The following CLCN1 variants were observed in gnomAD, a reference collection of about 807,000 sequenced individuals.
The protein encoded by CLCN1 is chloride channel protein 1.
CLCN1 carries 100 observed loss-of-function variants against 114.5 expected under a neutral mutation model. That is an observed-to-expected ratio of 0.87 (90% CI 0.74 to 1.03). The LOEUF (loss-of-function observed/expected upper bound fraction) is 1.03. Ranked by LOEUF, CLCN1 falls within the 50% of genes least tolerant of loss-of-function variation. The pLI, the probability that CLCN1 is intolerant of heterozygous loss-of-function variation, is 0.00. For missense variants in CLCN1, 1,188 were observed against 1,250.0 expected (o/e 0.95, Z 0.75); for synonymous variants, 485 against 487.1 (o/e 1.00, Z 0.06).
At position 143,352,068 on chromosome 7, in the gene CLCN1, G is replaced by A; in HGVS notation, c.*103G>A. On this transcript the variant is annotated 3_prime_UTR_variant, in exon 23 of 23. Coordinates refer to ENST00000343257, the MANE Select transcript of CLCN1 (RefSeq NM_000083.3). Reference sequence around the variant, plus strand: ...CTGAATGTGGCGAGGTCATGCCAATGTCGTGGCCTCTTCCAGGAATTTTTT... The same window carrying A: ...CTGAATGTGGCGAGGTCATGCCAATATCGTGGCCTCTTCCAGGAATTTTTT... 6.9e-7 allele frequency: 1 copy of A among 1,452,412 alleles called. No homozygotes were observed. The allele number at this position is 1,452,412 out of a possible 1,614,324, so 90.0% of individuals were successfully genotyped here. A position where few individuals can be genotyped will look rare whatever the true frequency, so the allele number is the denominator to read the frequency against.
intron 8 of CLCN1, 27 bp from the exon 9 acceptor site, chr7:143,331,205 C>G (rs367699805): frequency 6.6e-7 from 1 of 1,526,060 alleles, no homozygotes; most frequent in Non-Finnish European, 9.1e-7. Flanking sequence ...AAGCTCCCAT[C>G]GTAATACTGG....
At chr7:143,325,678 T>C (rs904585570) in intron 7 of CLCN1, among the ~76,000 whole-genome samples, 4 of 152,236 alleles carry the variant, frequency 2.6e-5, no homozygotes, top group African/African-American at 9.6e-5. Flanking sequence ...ATTTTTAGAC[T>C]GGGAGACTTC....
chr7:143,342,012 A>T lies in CLCN1; in HGVS notation c.1666A>T (p.Ile556Phe). The T allele has an allele frequency of 1.2e-6, 2 of 1,614,218 alleles. No individual in the cohort carries two copies. The highest frequency in any genetic ancestry group is 2.2e-5 in the South Asian group (2 of 91,080). ...CGAATTAACGGGTCAGATTGCTCAC[A>T]TCCTGCCCATGATGGTGGCTGTTAT... is the stretch of plus-strand genomic sequence containing the variant. ...CFELTGQIAH[I>F]LPMMVAVILA... The change falls in exon 15 of 23, where the codon ATC (isoleucine) becomes TTC (phenylalanine). Residue 556 changes from isoleucine to phenylalanine, a missense_variant. By Grantham distance (21) the Ile-to-Phe change is conservative (BLOSUM62 0). Transcript: ENST00000343257.
At chr7:143,346,551 A>G in intron 18 of CLCN1, 28 bp from the exon 19 acceptor site, 1 of 1,571,774 alleles carries the variant, frequency 6.4e-7, no homozygotes, top group Non-Finnish European at 8.8e-7. Context: ...CTTTGTGTCC[A>G]TTTCCATCCA....
At chr7:143,318,229 T>C (rs1401278654) in intron 1 of CLCN1, among the ~76,000 whole-genome samples, 1 of 152,186 alleles carries the variant, frequency 6.6e-6, no homozygotes, top group Non-Finnish European at 1.5e-5. Context: ...TGTTTTTTGT[T>C]TTTTGTTTTT....
chr7:143,338,779 G>A (rs1312610579), intron 12 of CLCN1, among the ~76,000 whole-genome samples: 2 of 139,970 alleles, frequency 1.4e-5, no homozygotes, highest in East Asian at 4.2e-4. Flanking sequence ...GGGTGGCAGA[G>A]AGAGACCCTG....
At chr7:143,323,856 G>C (rs1031701692) in intron 6 of CLCN1, 16 of 472,862 alleles carry the variant, frequency 3.4e-5, no homozygotes, top group African/African-American at 3.0e-4. Context: ...GTGTCGGCCT[G>C]TGCAGTGGGC....
Position 143,351,107 on chromosome 7 carries a change from AG to A in CLCN1, c.2595+458del, listed in dbSNP as rs1325726494. Reference sequence around the variant, plus strand: ...TCTGTATTTCTTATGCAGAGATTGGAGGGGGTAGAGCAAGCAGCCAGCTGAG... The same window carrying A: ...TCTGTATTTCTTATGCAGAGATTGGAGGGGTAGAGCAAGCAGCCAGCTGAG... On this transcript the variant is annotated intron_variant, in intron 22 of 22. Transcript: ENST00000343257. Among the ~76,000 whole-genome samples the A allele has an allele frequency of 2.0e-5, 3 of 152,034 alleles. No homozygotes were observed. The East Asian group carries it at 5.8e-4, about 29-fold the overall frequency.
At chr7:143,335,529 G>T (rs970885096) in intron 12 of CLCN1, among the ~76,000 whole-genome samples, 2 of 152,160 alleles carry the variant, frequency 1.3e-5, no homozygotes, top group South Asian at 2.1e-4. Flanking sequence ...TTTTAGCTAG[G>T]TAGGATACAT....
chr7:143,316,473 G>C, intron 1 of CLCN1, 81 bp downstream of exon 1: 2 of 1,271,218 alleles, frequency 1.6e-6, no homozygotes, highest in Non-Finnish European at 2.2e-6. Context: ...GAGGAATTGG[G>C]TGAAAAGAGG....
At chr7:143,320,572 T>TGGGG in intron 2 of CLCN1, 92 bp from the exon 3 acceptor site, 1 of 1,078,468 alleles carries the variant, frequency 9.3e-7, no homozygotes, top group Non-Finnish European at 1.4e-6. Context: ...TCTCTCTCTC[T>TGGGG]CTCTCTCTCT....
chr7:143,336,502 C>T (rs1485949466), intron 12 of CLCN1, among the ~76,000 whole-genome samples: 19 of 149,658 alleles, frequency 1.3e-4, no homozygotes, highest in Non-Finnish European at 3.0e-5. Context: ...CCCAGCTCCT[C>T]GGGAGGCTGA....
chr7:143,330,416 T>G (rs1586496299), intron 7 of CLCN1, among the ~76,000 whole-genome samples: 1 of 152,254 alleles, frequency 6.6e-6, no homozygotes, highest in South Asian at 2.1e-4. Context: ...CAGATTTTTT[T>G]CAACTACCTT....
rs774525961 is a variant in CLCN1 at position 143,316,265 on chromosome 7, G to T, written c.53G>T (p.Ser18Ile). The T allele has an allele frequency of 6.8e-6, 11 of 1,613,158 alleles. No homozygotes were observed. Among genetic ancestry groups the T allele is most frequent in the Non-Finnish European group, 9.3e-6 (11 of 1,179,330 alleles). The change falls in exon 1 of 23, where the codon AGT (serine) becomes ATT (isoleucine). Residue 18 changes from serine to isoleucine, a missense_variant. Transcript: ENST00000343257. ...QRGGEQSWWG[S>I]DPQYQYMPFE... Reference sequence around the variant, plus strand: ...GGGGGTGAACAAAGCTGGTGGGGTAGTGACCCCCAGTACCAGTATATGCCC... The same window carrying T: ...GGGGGTGAACAAAGCTGGTGGGGTATTGACCCCCAGTACCAGTATATGCCC...
intron 12 of CLCN1, among the ~76,000 whole-genome samples, chr7:143,337,280 G>A (rs2116861565): frequency 6.6e-6 from 1 of 152,292 alleles, no homozygotes; most frequent in South Asian, 2.1e-4. Flanking sequence ...TGAGCACTGT[G>A]CCAGTGCAGA....
At chr7:143,337,841 T>C (rs1802950494) in intron 12 of CLCN1, among the ~76,000 whole-genome samples, 1 of 76,542 alleles carries the variant, frequency 1.3e-5, no homozygotes, top group Non-Finnish European at 2.4e-5. Flanking sequence ...TTTTTTTTTT[T>C]TTTGCGACAG....
intron 2 of CLCN1, 123 bp from the exon 3 acceptor site, chr7:143,320,541 C>T (rs983856518): frequency 1.5e-5 from 14 of 945,422 alleles, no homozygotes; most frequent in Admixed American, 2.1e-5. Flanking sequence ...AGTAGTGACT[C>T]GTTAGCTGCT....
chr7:143,346,126 A>C lies in CLCN1; in HGVS notation c.2173-14A>C. 6.6e-7 allele frequency: 1 copy of C among 1,525,826 alleles called. No individual in the cohort carries two copies. Among genetic ancestry groups the C allele is most frequent in the Non-Finnish European group, 9.1e-7 (1 of 1,099,990 alleles). The allele number at this position is 1,525,826 out of a possible 1,614,324, so 94.5% of individuals were successfully genotyped here. A position where few individuals can be genotyped will look rare whatever the true frequency, so the allele number is the denominator to read the frequency against. On this transcript the variant is annotated splice_polypyrimidine_tract_variant and intron_variant, in intron 17 of 22. Coordinates refer to ENST00000343257, the MANE Select transcript of CLCN1 (RefSeq NM_000083.3). ...CTCTGCTCCCAGGCTGAGACTTCTT[A>C]CTCTTCCTTACAGCTTCCTCCTTCC... is the stretch of plus-strand genomic sequence containing the variant.
rs764402957 is a variant in CLCN1 at position 143,323,332 on chromosome 7, C to T, written c.720C>T (p.Ser240=). 5 of 1,613,670 alleles carry T rather than the reference C, an allele frequency of 3.1e-6. No individual in the cohort carries two copies. In the African/African-American group the frequency reaches 6.7e-5, roughly 22 times the overall value. The change falls in exon 6 of 23, where the codon AGC becomes AGT. Residue 240 remains serine, a synonymous_variant. Transcript: ENST00000343257. ...AGGGCCCCTTCGTCCACATTGCCAG[C>T]ATCTGTGCTGCTGTCCTCAGCAAAT... The part of the protein sequence containing the change: ...GKEGPFVHIA[S]ICAAVLSKFM...
Sources: allele counts gnomAD v4.1 joint callset (sites outside exome capture counted in the v4.1 genomes callset), GRCh38; gene constraint gnomAD v4.1.1; transcripts MANE v1.5; gene names NCBI Gene and HGNC (gene_info 2026-07-23, HGNC 2026-07-21).